The following F13A1 variants were observed in gnomAD, a reference collection of about 807,000 sequenced individuals.
F13A1 encodes the protein FSF, A subunit.
Under a neutral mutation model 80.1 loss-of-function variants are expected in F13A1, and 47 were observed. The ratio of observed to expected loss-of-function variants is 0.59; its 90% CI spans 0.46 to 0.75. The LOEUF is 0.75. Among genes scored for constraint, F13A1 ranks in the 30% least tolerant of loss-of-function variants. The probability of loss-of-function intolerance (pLI) is 0.00; values close to 1 mark genes in which losing one functional copy is unlikely to be tolerated. For synonymous variants in F13A1, 349 were observed against 344.9 expected (o/e 1.01, Z -0.13); for missense variants, 817 against 930.4 (o/e 0.88, Z 1.59).
chr6:6,260,253 T>C (rs1757760004), intron 4 of F13A1, among the ~76,000 whole-genome samples: 1 of 152,200 alleles, frequency 6.6e-6, no homozygotes, highest in African/African-American at 2.4e-5. Flanking sequence ...GGAGGATAAA[T>C]TGCCTATGAA....
chr6:6,293,381 A>C (rs1347281246), intron 3 of F13A1, among the ~76,000 whole-genome samples: 2 of 152,052 alleles, frequency 1.3e-5, no homozygotes, highest in African/African-American at 4.8e-5. Flanking sequence ...ACAGGTTAGT[A>C]AAACCTGTGA....
At chr6:6,283,518 A>G (rs1389277263) in intron 3 of F13A1, among the ~76,000 whole-genome samples, 2 of 152,202 alleles carry the variant, frequency 1.3e-5, no homozygotes, top group Non-Finnish European at 1.5e-5. Context: ...TGACAACTCT[A>G]ATAACGGTTC....
chr6:6,264,648 GCTGT>G (rs1454592844), intron 4 of F13A1, among the ~76,000 whole-genome samples: 4 of 151,976 alleles, frequency 2.6e-5, no homozygotes. Context: ...TGTCATTTCT[GCTGT>G]CTATCTATGG....
rs750037139 is a variant in F13A1, at chr6:6,250,917, T to A, written c.584A>T (p.Tyr195Phe). 2 of 1,609,160 alleles carry A rather than the reference T, an allele frequency of 1.2e-6. No individual in the cohort carries two copies. Among genetic ancestry groups the A allele is most frequent in the Admixed American group, 1.7e-5 (1 of 60,018 alleles). ...FNPWCEDDAV[Y>F]LDNEKEREEY... ...TTCTCTTTCTTTCTCATTGTCCAGATACACAGCATCATCTGCATCAGGGTT... is the reference window on the plus strand; with the variant it reads ...TTCTCTTTCTTTCTCATTGTCCAGAAACACAGCATCATCTGCATCAGGGTT... The change falls in exon 5 of 15, where the codon TAT becomes TTT. Residue 195 changes from tyrosine to phenylalanine, a missense_variant. Physicochemically the swap from Tyr to Phe is conservative, Grantham distance 22 (BLOSUM62 3). Transcript: ENST00000264870. This position sits in a 1 kb window ranked among gnomAD's most constrained non-coding sequence, Gnocchi z 4.2.
chr6:6,204,137 G>GTTAA (rs1420838017), intron 8 of F13A1, among the ~76,000 whole-genome samples: 2 of 152,150 alleles, frequency 1.3e-5, no homozygotes, highest in African/African-American at 4.8e-5. Context: ...AAATAAAGTG[G>GTTAA]TTAATTTAAA....
intron 10 of F13A1, among the ~76,000 whole-genome samples, chr6:6,187,943 T>G (rs1433075571): frequency 1.3e-5 from 2 of 148,836 alleles, no homozygotes; most frequent in African/African-American, 4.9e-5. Flanking sequence ...CTTCCTGGTT[T>G]AGTCTTGGGA....
At chr6:6,288,812 C>T (rs946500913) in intron 3 of F13A1, among the ~76,000 whole-genome samples, 2 of 152,220 alleles carry the variant, frequency 1.3e-5, no homozygotes, top group African/African-American at 4.8e-5. Flanking sequence ...CTTGCCAAGG[C>T]TTGTTATCAT....
intron 2 of F13A1, among the ~76,000 whole-genome samples, chr6:6,305,947 AT>A (rs1758506963): frequency 6.6e-6 from 1 of 152,216 alleles, no homozygotes; most frequent in African/African-American, 2.4e-5. Flanking sequence ...GAAGCAGGGA[AT>A]AGCCACTTCA....
chr6:6,272,025 T>G (rs1757928226), intron 3 of F13A1, among the ~76,000 whole-genome samples: 1 of 152,218 alleles, frequency 6.6e-6, no homozygotes, highest in Non-Finnish European at 1.5e-5. Flanking sequence ...ATTAGTATTC[T>G]TCACAAGATA....
At chr6:6,212,193 T>A (rs1440956996) in intron 8 of F13A1, among the ~76,000 whole-genome samples, 1 of 152,228 alleles carries the variant, frequency 6.6e-6, no homozygotes, top group Non-Finnish European at 1.5e-5. Flanking sequence ...CAAGGAGGCC[T>A]GCCTGCCTCT....
chr6:6,163,486 C>T (rs986362534), intron 13 of F13A1, among the ~76,000 whole-genome samples: 8 of 152,258 alleles, frequency 5.3e-5, no homozygotes, highest in South Asian at 4.1e-4. Flanking sequence ...CCTCCTCCCA[C>T]GCCGCACCCT....
intron 3 of F13A1, among the ~76,000 whole-genome samples, chr6:6,289,574 A>G (rs537935668): frequency 6.6e-6 from 1 of 152,264 alleles, no homozygotes; most frequent in South Asian, 2.1e-4. Context: ...TTTATTAGTG[A>G]GATTTTTTTC....
In F13A1 at chr6:6,145,743, C is replaced by A; in HGVS notation, c.2075G>T (p.Trp692Leu). ...REIRPNSTVQ[W>L]EEVCRPWVSG... is the part of the protein sequence containing the mutation. Reference sequence around the variant, plus strand: ...GACCCAGGGCCGGCACACTTCTTCCCACTGCACGGTGGAGTTGGGCCGGAT... The same window carrying A: ...GACCCAGGGCCGGCACACTTCTTCCAACTGCACGGTGGAGTTGGGCCGGAT... The change falls in exon 15 of 15, where the codon TGG (tryptophan) becomes TTG (leucine). Residue 692 changes from tryptophan to leucine, a missense_variant. Transcript: ENST00000264870. The A allele has an allele frequency of 6.2e-7, 1 of 1,614,138 alleles. No individual in the cohort carries two copies. Among genetic ancestry groups the A allele is most frequent in the Non-Finnish European group, 8.5e-7 (1 of 1,180,012 alleles).
intron 3 of F13A1, among the ~76,000 whole-genome samples, chr6:6,274,224 A>G (rs531359129): frequency 6.6e-6 from 1 of 152,344 alleles, no homozygotes; most frequent in South Asian, 2.1e-4. Context: ...GGTGCTCAAT[A>G]AATATTTGGC....
At chr6:6,145,842 A>C in intron 14 of F13A1, 70 bp from the exon 15 acceptor site, 1 of 1,603,808 alleles carries the variant, frequency 6.2e-7, no homozygotes, top group Non-Finnish European at 8.5e-7. Flanking sequence ...AGCAATGAAA[A>C]CTCTTGCCTA....
intron 2 of F13A1, among the ~76,000 whole-genome samples, chr6:6,306,864 C>G (rs1758520107): frequency 6.6e-6 from 1 of 152,212 alleles, no homozygotes; most frequent in Non-Finnish European, 1.5e-5. Flanking sequence ...AAATCCTGTG[C>G]AGGATGCCTG....
chr6:6,232,531 A>T (rs544962036), intron 6 of F13A1, among the ~76,000 whole-genome samples: 1 of 152,200 alleles, frequency 6.6e-6, no homozygotes, highest in Non-Finnish European at 1.5e-5. Flanking sequence ...CACTGACAGC[A>T]CTAGACAGGT....
chr6:6,305,392 T>C lies in F13A1; in HGVS notation c.278A>G (p.Tyr93Cys). The C allele has an allele frequency of 2.5e-6, 4 of 1,614,226 alleles. No homozygotes were observed. Among genetic ancestry groups the C allele is most frequent in the South Asian group, 1.1e-5 (1 of 91,086 alleles). The change falls in exon 3 of 15, where the codon TAT becomes TGT. Residue 93 changes from tyrosine (Y) to cysteine (C), a missense_variant. By Grantham distance (194) the Tyr-to-Cys change is radical. Coordinates refer to ENST00000264870, the MANE Select transcript of F13A1 (RefSeq NM_000129.4). ...CCTGAAGAGATCCCTTCTGGGGTCA[T>C]ATGGACGACTGAAGTCAATCTGCAC... ...FYVQIDFSRP[Y>C]DPRRDLFRVE... is the part of the protein sequence containing the mutation.
At chr6:6,177,132 A>G (rs1760895645) in intron 11 of F13A1, among the ~76,000 whole-genome samples, 1 of 152,208 alleles carries the variant, frequency 6.6e-6, no homozygotes, top group African/African-American at 2.4e-5. Flanking sequence ...TAGTGCAGTG[A>G]GAGACATATC....
Sources: gnomAD v4.1 joint callset for allele counts (sites outside exome capture counted in the v4.1 genomes callset) on GRCh38, gnomAD v4.1.1 for gene constraint, Gnocchi (gnomAD v3.1) non-coding constraint, MANE v1.5 for transcripts, NCBI Gene and HGNC (gene_info 2026-07-23, HGNC 2026-07-21) for gene names.